The following SH3BP4 variants were observed in gnomAD, a reference collection of about 807,000 sequenced individuals.
The protein encoded by SH3BP4 is SH3 domain binding protein 4, also known as SH3 domain-binding protein 4.
In SH3BP4, 33 loss-of-function variants were observed where a neutral mutation model predicts 65.5. That is an observed-to-expected ratio of 0.50 (90% CI 0.38 to 0.67). The LOEUF (loss-of-function observed/expected upper bound fraction) is 0.67, where lower values mean the gene tolerates loss of function less well. Among genes scored for constraint, SH3BP4 ranks in the 30% least tolerant of loss-of-function variants. The probability of loss-of-function intolerance (pLI) is 0.00; values close to 1 mark genes in which losing one functional copy is unlikely to be tolerated. For missense variants in SH3BP4, 1,134 were observed against 1,261.4 expected, an observed-to-expected ratio of 0.90 and a Z score of 1.53; for synonymous variants, 552 against 545.5, an observed-to-expected ratio of 1.01 and a Z score of -0.17.
At chr2:235,043,816 GGATATAC>G (rs1218698245) in intron 4 of SH3BP4, among the ~76,000 whole-genome samples, 1 of 152,264 alleles carries the variant, frequency 6.6e-6, no homozygotes, top group African/African-American at 2.4e-5. Context: ...CCGCTGCCTG[GGATATAC>G]GTGTGGGGCT....
chr2:235,043,119 AC>A lies in SH3BP4; in HGVS notation c.2352del (p.Phe786SerfsTer17). 1.2e-6 allele frequency: 2 copies of A among 1,613,706 alleles called. No homozygotes were observed. Among genetic ancestry groups the A allele is most frequent in the Non-Finnish European group, 1.7e-6 (2 of 1,179,980 alleles). On this transcript the variant is annotated frameshift_variant, in exon 4 of 6. Transcript: ENST00000392011. LOFTEE classifies it high-confidence loss of function. ...CCTGGGCTACGTGAACCTGCCGCTC[AC>A]CTTTTTCTGCCGGGCAGAGCTGGAT... Reference protein sequence around the residue: ...DALGYVNLPLTFFCRAELDSE... With the variant: ...DALGYVNLPLXFFCRAELDSE...
At chr2:234,969,829 G>A (rs1037621789) in intron 1 of SH3BP4, among the ~76,000 whole-genome samples, 1 of 152,074 alleles carries the variant, frequency 6.6e-6, no homozygotes, top group African/African-American at 2.4e-5. Flanking sequence ...GCTGAGACGC[G>A]TGCTTGCGCG....
At chr2:234,986,484 A>G (rs10803630) in intron 1 of SH3BP4, among the ~76,000 whole-genome samples, 14,103 of 152,280 alleles carry the variant, frequency 0.093, 1,293 homozygotes, top group East Asian at 0.5. Flanking sequence ...GGGAAAAGGA[A>G]ATGCAGGATT....
intron 1 of SH3BP4, among the ~76,000 whole-genome samples, chr2:234,957,711 T>G (rs1450334313): frequency 1.3e-5 from 2 of 151,962 alleles, no homozygotes; most frequent in South Asian, 2.1e-4. Flanking sequence ...TTTGGAAAGC[T>G]TCCCGGGTGA....
In SH3BP4 at chr2:235,052,509, G is replaced by T; in HGVS notation, c.2479-53G>T. The T allele has an allele frequency of 1.4e-6, 2 of 1,423,010 alleles. No individual in the cohort carries two copies. The highest frequency in any genetic ancestry group is 1.4e-5 in the African/African-American group (1 of 70,052). The allele number at this position is 1,423,010 out of a possible 1,614,324, so 88.1% of individuals were successfully genotyped here. A position where few individuals can be genotyped will look rare whatever the true frequency, so the allele number is the denominator to read the frequency against. ...GTCTGCTGGAATTCTGCGGGGAGCA[G>T]AGCCTGCCCCACTCCCTACACTGTC... is the stretch of plus-strand genomic sequence containing the variant. On this transcript the variant is annotated intron_variant, in intron 4 of 5. Transcript: ENST00000392011. This position sits in a 1 kb window ranked among gnomAD's most constrained non-coding sequence, Gnocchi z 5.0.
chr2:235,025,616 T>C (rs560204247), intron 2 of SH3BP4, among the ~76,000 whole-genome samples: 1 of 152,164 alleles, frequency 6.6e-6, no homozygotes, highest in Non-Finnish European at 1.5e-5. Context: ...TGCTGGAAAA[T>C]TATAAAGACA....
chr2:234,952,422 G>C lies in SH3BP4; in HGVS notation c.-207+252G>C, dbSNP rs1471624651. The stretch of plus-strand genomic sequence containing the variant: ...CCCTGGTGCTGGTGGGCAGGGACCC[G>C]GCCCGGGGTTCCGGGCGCCGAGCCG... On this transcript the variant is annotated intron_variant, in intron 1 of 5. Coordinates refer to ENST00000392011, the MANE Select transcript of SH3BP4 (RefSeq NM_014521.3). The surrounding 1 kb of genome is among the most constrained non-coding windows in gnomAD (Gnocchi z 6.5). 6.7e-6 allele frequency among the ~76,000 whole-genome samples: 1 copy of C among 149,490 alleles called. No individual in the cohort carries two copies. The highest frequency in any genetic ancestry group is 1.5e-5 in the Non-Finnish European group (1 of 67,316).
At chr2:235,038,372 TATACATATATATATATATA>T (rs1695506145) in intron 3 of SH3BP4, among the ~76,000 whole-genome samples, 1 of 46,662 alleles carries the variant, frequency 2.1e-5, no homozygotes, top group Non-Finnish European at 3.4e-5. Context: ...ATATAATATA[TATACATATATATATATATA>T]TATATATATA....
At position 235,036,739 on chromosome 2, in the gene SH3BP4, A is replaced by AT. The variant is rs1227273299; in HGVS notation, c.118+1619_118+1620insT. On this transcript the variant is annotated intron_variant, in intron 3 of 5. Transcript: ENST00000392011. ...CACTGCACTCTGAGACTCTATATAA[A>AT]AAATAATAATAATAATAATGACAGT... 5.5e-3 allele frequency among the ~76,000 whole-genome samples: 793 copies of AT among 144,836 alleles called. 8 individuals carry two copies. The highest frequency in any genetic ancestry group is 0.052 in the South Asian group (232 of 4,448).
intron 4 of SH3BP4, among the ~76,000 whole-genome samples, chr2:235,048,496 A>G (rs1002256003): frequency 6.7e-6 from 1 of 150,006 alleles, no homozygotes; most frequent in Non-Finnish European, 1.5e-5. Context: ...ACACCCAGCT[A>G]ATTTTTTTTT....
Position 235,035,506 on chromosome 2 carries a change from A to G in SH3BP4, c.118+386A>G, listed in dbSNP as rs1269908682. On this transcript the variant is annotated intron_variant, in intron 3 of 5. Transcript: ENST00000392011. The surrounding 1 kb of genome is among the most constrained non-coding windows in gnomAD (Gnocchi z 5.0). ...AGAGGTCAGCAAACCTTTTCTCCAA[A>G]CAGTCTGATGGGAAATATTTGAAGC... 6.6e-6 allele frequency among the ~76,000 whole-genome samples: 1 copy of G among 152,214 alleles called. No homozygotes were observed. The highest frequency in any genetic ancestry group is 1.5e-5 in the Non-Finnish European group (1 of 68,040).
Position 234,957,232 on chromosome 2 carries a change from T to G in SH3BP4, c.-207+5062T>G, listed in dbSNP as rs192098635. Among the ~76,000 whole-genome samples the G allele has an allele frequency of 1.3e-3, 197 of 152,214 alleles. 1 individual carries two copies. The highest frequency in any genetic ancestry group is 3.5e-3 in the South Asian group (17 of 4,818). On this transcript the variant is annotated intron_variant, in intron 1 of 5. Coordinates refer to ENST00000392011, the MANE Select transcript of SH3BP4 (RefSeq NM_014521.3). Reference sequence around the variant, plus strand: ...ACCGGCTTCCCCATGTTGGCTAGGCTGGTCTTGAACTCCTGACCTCAGGTG... The same window carrying G: ...ACCGGCTTCCCCATGTTGGCTAGGCGGGTCTTGAACTCCTGACCTCAGGTG...
In SH3BP4 at chr2:235,052,288, G is replaced by T. The variant is rs1466317436; in HGVS notation, c.2479-274G>T. Among the ~76,000 whole-genome samples, 1 of 152,090 alleles carries T rather than the reference G, an allele frequency of 6.6e-6. No individual in the cohort carries two copies. Among genetic ancestry groups the T allele is most frequent in the African/African-American group, 2.4e-5 (1 of 41,434 alleles). ...ACCTCATCTTAATTCTATCTGCAAA[G>T]ACCCCATTTTCAAGTAAGGTCACGT... is the stretch of plus-strand genomic sequence containing the variant. On this transcript the variant is annotated intron_variant, in intron 4 of 5. Transcript: ENST00000392011. This position sits in a 1 kb window ranked among gnomAD's most constrained non-coding sequence, Gnocchi z 5.0.
intron 2 of SH3BP4, among the ~76,000 whole-genome samples, chr2:235,024,681 G>A (rs977834977): frequency 1.3e-5 from 2 of 152,098 alleles, no homozygotes; most frequent in African/African-American, 2.4e-5. Context: ...CTAGCTCTGC[G>A]GTTTTCAGAA....
rs1285284045 is a variant in SH3BP4 at position 235,054,828 on chromosome 2, A to G, written c.*1012A>G. On this transcript the variant is annotated 3_prime_UTR_variant, in exon 6 of 6. Coordinates refer to ENST00000392011, the MANE Select transcript of SH3BP4 (RefSeq NM_014521.3). ...GATGCTGTGGTTGGCCTCACAAGCA[A>G]CGCCTTATGCTGATGTGCAGAGGTG... The G allele has an allele frequency of 6.6e-6, 1 of 152,212 alleles. No individual in the cohort carries two copies. Among genetic ancestry groups the G allele is most frequent in the East Asian group, 1.9e-4 (1 of 5,192 alleles). The allele number at this position is 152,212 out of a possible 1,614,324, so 9.4% of individuals were successfully genotyped here. A position where few individuals can be genotyped will look rare whatever the true frequency, so the allele number is the denominator to read the frequency against.
rs1413976021 is a variant in SH3BP4, at chr2:234,976,283, TCTC to T, written c.-206-19017_-206-19015del. The stretch of plus-strand genomic sequence containing the variant: ...GCAGGACAGGTGGTATCTGGGCCCT[TCTC>T]CTAAAAATTGCCTTTTTATAAATGC... On this transcript the variant is annotated intron_variant, in intron 1 of 5. Coordinates refer to ENST00000392011, the MANE Select transcript of SH3BP4 (RefSeq NM_014521.3). The surrounding 1 kb of genome is among the most constrained non-coding windows in gnomAD (Gnocchi z 4.7). Among the ~76,000 whole-genome samples, 2 of 152,204 alleles carry T rather than the reference TCTC, an allele frequency of 1.3e-5. No individual in the cohort carries two copies. Among genetic ancestry groups the T allele is most frequent in the African/African-American group, 4.8e-5 (2 of 41,446 alleles).
intron 2 of SH3BP4, among the ~76,000 whole-genome samples, chr2:235,018,987 A>G (rs1450334939): frequency 6.6e-6 from 1 of 152,214 alleles, no homozygotes; most frequent in Non-Finnish European, 1.5e-5. Flanking sequence ...AAAAGTTATC[A>G]GCCAAGTGAC....
At chr2:235,025,157 A>G in intron 2 of SH3BP4, among the ~76,000 whole-genome samples, 1 of 152,088 alleles carries the variant, frequency 6.6e-6, no homozygotes, top group East Asian at 1.9e-4. Flanking sequence ...CATTGCCACA[A>G]ATGTCTGCCT....
rs1696100602 is a variant in SH3BP4, at chr2:235,052,740, T to A, written c.2657T>A (p.Val886Glu). 1 of 1,593,654 alleles carries A rather than the reference T, an allele frequency of 6.3e-7. No individual in the cohort carries two copies. The highest frequency in any genetic ancestry group is 1.3e-5 in the African/African-American group (1 of 74,492). ...ESPHRDRNGV[V>E]DSEAMWKPAY... ...CCCCACCGGGACAGGAACGGGGTTG[T>A]GGACAGCGAGGTGAGCAGCGGCTGA... The change falls in exon 5 of 6, where the codon GTG becomes GAG. Residue 886 changes from valine (V) to glutamate (E), a missense_variant. Val to Glu is a moderately radical substitution (Grantham distance 121, BLOSUM62 -2). Coordinates refer to ENST00000392011, the MANE Select transcript of SH3BP4 (RefSeq NM_014521.3). This position sits in a 1 kb window ranked among gnomAD's most constrained non-coding sequence, Gnocchi z 5.0.
Sources: allele counts gnomAD v4.1 joint callset (sites outside exome capture counted in the v4.1 genomes callset), GRCh38; gene constraint gnomAD v4.1.1; non-coding constraint Gnocchi (gnomAD v3.1); transcripts MANE v1.5; gene names NCBI Gene and HGNC (gene_info 2026-07-23, HGNC 2026-07-21).